The following MGAT4C variants were observed in gnomAD, a reference collection of about 807,000 sequenced individuals.
MGAT4C encodes MGAT4 family member C.
In MGAT4C, 19 loss-of-function variants were observed where a neutral mutation model predicts 40.1. That is an observed-to-expected ratio of 0.47 (90% confidence interval 0.33 to 0.70). MGAT4C has a LOEUF of 0.70. Among genes scored for constraint, MGAT4C ranks in the 30% least tolerant of loss-of-function variants. The probability of loss-of-function intolerance (pLI) is 0.02; values close to 1 mark genes in which losing one functional copy is unlikely to be tolerated. For missense variants in MGAT4C, 491 were observed against 563.2 expected (o/e 0.87, Z 1.30); for synonymous variants, 181 against 187.1 (o/e 0.97, Z 0.27).
intron 3 of MGAT4C, among the ~76,000 whole-genome samples, chr12:86,376,429 T>A (rs1383215300): frequency 6.6e-6 from 1 of 151,982 alleles, no homozygotes; most frequent in Non-Finnish European, 1.5e-5. Flanking sequence ...GATTATTGTG[T>A]ATATACATAT....
At chr12:86,104,035 T>C (rs1202727188) in intron 1 of MGAT4C, among the ~76,000 whole-genome samples, 1 of 152,080 alleles carries the variant, frequency 6.6e-6, no homozygotes, top group Non-Finnish European at 1.5e-5. Flanking sequence ...GGATCCCAAG[T>C]CCAGAGGTCT....
At chr12:86,753,990 A>C (rs1320657147) in intron 1 of MGAT4C, among the ~76,000 whole-genome samples, 1 of 152,168 alleles carries the variant, frequency 6.6e-6, no homozygotes, top group Admixed American at 6.6e-5. Flanking sequence ...ACTCCTAAAT[A>C]TTTACCTGAG....
At chr12:86,003,900 G>A (rs1343121464) in intron 2 of MGAT4C, among the ~76,000 whole-genome samples, 1 of 152,028 alleles carries the variant, frequency 6.6e-6, no homozygotes, top group Non-Finnish European at 1.5e-5. Flanking sequence ...ATCTTCCTAG[G>A]AAGCCAAGAT....
chr12:86,664,562 A>G (rs1336360504), intron 2 of MGAT4C, among the ~76,000 whole-genome samples: 1 of 152,154 alleles, frequency 6.6e-6, no homozygotes, highest in Admixed American at 6.5e-5. Flanking sequence ...GTTAGGGACC[A>G]TCTGTAGTTA....
chr12:86,559,709 A>C (rs1211237251), intron 2 of MGAT4C, among the ~76,000 whole-genome samples: 1 of 152,008 alleles, frequency 6.6e-6, no homozygotes, highest in African/African-American at 2.4e-5. Flanking sequence ...GATAAATTTT[A>C]AATAAACAAT....
chr12:86,318,882 G>T (rs2136159012), intron 4 of MGAT4C, among the ~76,000 whole-genome samples: 1 of 152,182 alleles, frequency 6.6e-6, no homozygotes, highest in East Asian at 1.9e-4. Flanking sequence ...GAGACTTCCA[G>T]TTTTATCTCT....
intron 2 of MGAT4C, among the ~76,000 whole-genome samples, chr12:86,042,732 G>A (rs939319136): frequency 6.6e-6 from 1 of 151,870 alleles, no homozygotes; most frequent in African/African-American, 2.4e-5. Flanking sequence ...GCTGGGCGTG[G>A]TGGCAGGCAC....
chr12:86,101,620 C>A (rs1875072053), intron 1 of MGAT4C, among the ~76,000 whole-genome samples: 1 of 151,834 alleles, frequency 6.6e-6, no homozygotes, highest in Non-Finnish European at 1.5e-5. Context: ...CTGCTCCTGT[C>A]AGATTAAATC....
intron 3 of MGAT4C, among the ~76,000 whole-genome samples, chr12:86,405,892 C>T (rs886117096): frequency 2.2e-5 from 3 of 138,592 alleles, no homozygotes; most frequent in Admixed American, 7.6e-5. Flanking sequence ...GCTGAAACAA[C>T]TGGACATACA....
At chr12:86,388,764 C>T (rs547815626) in intron 3 of MGAT4C, among the ~76,000 whole-genome samples, 1 of 150,348 alleles carries the variant, frequency 6.7e-6, no homozygotes, top group East Asian at 2.0e-4. Context: ...TCACTGCAAC[C>T]TCTGACTCCT....
rs150350930 is a variant in MGAT4C at position 86,082,358 on chromosome 12, C to G, written c.-56-32635G>C. Among the ~76,000 whole-genome samples the G allele has an allele frequency of 1.4e-3, 209 of 152,244 alleles. 2 individuals are homozygous for G. The highest frequency in any genetic ancestry group is 0.011 in the Admixed American group (175 of 15,276). On this transcript the variant is annotated intron_variant, in intron 1 of 4. Coordinates refer to ENST00000611864, the MANE Select transcript of MGAT4C (RefSeq NM_001351288.2). ...TTCTTTTTAGCATTGCTGTGTCTTT[C>G]TTTCCCCAGAGAGTGATTCCTTGGA...
chr12:86,621,985 C>T (rs1157063187), intron 2 of MGAT4C, among the ~76,000 whole-genome samples: 1 of 152,142 alleles, frequency 6.6e-6, no homozygotes, highest in Non-Finnish European at 1.5e-5. Context: ...TAATACTCTA[C>T]AGATTCTAAA....
chr12:86,284,265 G>C (rs1383250706), intron 4 of MGAT4C, among the ~76,000 whole-genome samples: 6 of 151,802 alleles, frequency 4.0e-5, no homozygotes, highest in Non-Finnish European at 7.4e-5. Flanking sequence ...TTAGTCTTCT[G>C]AGATGAATGT....
chr12:86,114,163 T>G (rs1023100951), intron 1 of MGAT4C, among the ~76,000 whole-genome samples: 6 of 151,932 alleles, frequency 3.9e-5, no homozygotes, highest in Non-Finnish European at 7.4e-5. Flanking sequence ...TTGATTTTTG[T>G]GTATTTTTAT....
chr12:86,831,754 G>A (rs940092679), intron 1 of MGAT4C, among the ~76,000 whole-genome samples: 1 of 151,714 alleles, frequency 6.6e-6, no homozygotes, highest in Non-Finnish European at 1.5e-5. Flanking sequence ...TAATAACAAT[G>A]TTGTATTAAG....
intron 2 of MGAT4C, among the ~76,000 whole-genome samples, chr12:86,015,445 C>T (rs76144167): frequency 0.025 from 3,734 of 152,090 alleles, 49 homozygotes; most frequent in East Asian, 0.05. Context: ...TGAGCATCTC[C>T]CATCTTGACT....
intron 2 of MGAT4C, among the ~76,000 whole-genome samples, chr12:86,619,097 A>G (rs928387698): frequency 6.6e-6 from 1 of 152,098 alleles, no homozygotes; most frequent in Non-Finnish European, 1.5e-5. Context: ...ACATGAGAGG[A>G]TATGCATAGG....
At chr12:86,210,850 T>C (rs1358892091) in intron 1 of MGAT4C, among the ~76,000 whole-genome samples, 1 of 152,284 alleles carries the variant, frequency 6.6e-6, no homozygotes, top group Admixed American at 6.5e-5. Context: ...GCTCATTTAT[T>C]TGACAGATAG....
At chr12:86,553,190 C>T (rs1020006704) in intron 2 of MGAT4C, among the ~76,000 whole-genome samples, 5 of 152,020 alleles carry the variant, frequency 3.3e-5, no homozygotes, top group African/African-American at 1.2e-4. Context: ...GTCAGCAAAA[C>T]CTTGGCATAA....
Sources: gnomAD v4.1 joint callset for allele counts (sites outside exome capture counted in the v4.1 genomes callset) on GRCh38, gnomAD v4.1.1 for gene constraint, MANE v1.5 for transcripts, NCBI Gene and HGNC (gene_info 2026-07-23, HGNC 2026-07-21) for gene names.